CCDC7: variants seen among roughly 807,000 people sequenced by gnomAD.
CCDC7 encodes coiled-coil domain-containing protein 7.
A neutral mutation model predicts 196.9 loss-of-function variants in CCDC7; 183 were observed. The observed-to-expected ratio is 0.93, with a 90% CI of 0.82 to 1.05. The LOEUF is 1.05. Ranked by LOEUF, CCDC7 falls within the 50% of genes least tolerant of loss-of-function variation. The probability of loss-of-function intolerance (pLI) is 0.00; values close to 1 mark genes in which losing one functional copy is unlikely to be tolerated. For synonymous variants in CCDC7, 525 were observed against 484.6 expected, an observed-to-expected ratio of 1.08 and a Z score of -1.10; for missense variants, 1,540 against 1,482.2, an observed-to-expected ratio of 1.04 and a Z score of -0.64.
intron 13 of CCDC7, among the ~76,000 whole-genome samples, chr10:32,553,122 T>C: frequency 6.7e-6 from 1 of 149,356 alleles, no homozygotes; most frequent in East Asian, 1.9e-4. Flanking sequence ...TTTTTTTAAT[T>C]CTTTTTTTTT....
intron 10 of CCDC7, among the ~76,000 whole-genome samples, 162 bp from the exon 12 acceptor site, chr10:32,518,254 C>T (rs2947052): frequency 0.81 from 119,574 of 146,816 alleles, 48,352 homozygotes; most frequent in South Asian, 0.87. Flanking sequence ...ATCTTTTATG[C>T]CTTTCAGCTC....
At chr10:32,637,937 G>A (rs559998420) in intron 20 of CCDC7, among the ~76,000 whole-genome samples, 10 of 152,174 alleles carry the variant, frequency 6.6e-5, no homozygotes, top group African/African-American at 2.2e-4. Context: ...CCTTGAAGAG[G>A]TCCTTCACAT....
At chr10:32,641,706 C>A (rs1398462214) in intron 20 of CCDC7, among the ~76,000 whole-genome samples, 1 of 152,198 alleles carries the variant, frequency 6.6e-6, no homozygotes, top group African/African-American at 2.4e-5. Context: ...GAGCTGCGTT[C>A]CTTTGGAGGA....
intron 28 of CCDC7, among the ~76,000 whole-genome samples, chr10:32,765,184 C>G (rs1179014973): frequency 6.6e-6 from 1 of 151,954 alleles, no homozygotes; most frequent in African/African-American, 2.4e-5. Context: ...AAAATTTATA[C>G]CTTTAATTTT....
intron 20 of CCDC7, among the ~76,000 whole-genome samples, chr10:32,640,445 G>A (rs538169349): frequency 2.0e-3 from 312 of 152,232 alleles, no homozygotes; most frequent in Middle Eastern, 0.01. Flanking sequence ...ACACTGATGG[G>A]TCTTGACTCT....
At chr10:32,674,765 A>G (rs903088659) in intron 21 of CCDC7, among the ~76,000 whole-genome samples, 7 of 152,004 alleles carry the variant, frequency 4.6e-5, no homozygotes, top group Admixed American at 6.6e-5. Flanking sequence ...TATCATTGTT[A>G]TATACATATA....
chr10:32,780,250 C>T (rs2080832626), intron 29 of CCDC7, among the ~76,000 whole-genome samples: 1 of 151,946 alleles, frequency 6.6e-6, no homozygotes, highest in South Asian at 2.1e-4. Context: ...ACAAAAAAAC[C>T]CAGAATTCTC....
chr10:32,740,859 C>A (rs2085713779), intron 28 of CCDC7, among the ~76,000 whole-genome samples: 1 of 151,610 alleles, frequency 6.6e-6, no homozygotes, highest in Admixed American at 6.6e-5. Flanking sequence ...CCTTTTTTAT[C>A]ATTTCTTTTT....
At chr10:32,513,690 T>C (rs1164595686) in intron 9 of CCDC7, 3 of 152,176 alleles carry the variant, frequency 2.0e-5, no homozygotes, top group Non-Finnish European at 4.4e-5. Context: ...GCAAGGTTGA[T>C]TTAAAATGCA....
At chr10:32,613,276 A>G (rs1174288732) in intron 18 of CCDC7, among the ~76,000 whole-genome samples, 1 of 151,848 alleles carries the variant, frequency 6.6e-6, no homozygotes, top group African/African-American at 2.4e-5. Flanking sequence ...TATCCCCTTT[A>G]TCGATTTTAT....
rs2033579855 is a variant in CCDC7, at chr10:32,453,350, T to C, written c.286T>C (p.Ser96Pro). ...TTTTATTTTTTTTTTACAGGTTGTT[T>C]CCACTTTGGAAGAAACCTATGGACA... Residue 96 changes from serine (S) to proline (P), a missense_variant, in exon 2 of 42, where the codon TCC (serine) becomes CCC (proline). By Grantham distance (74) the Ser-to-Pro change is moderately conservative. Transcript: ENST00000639629. 2.0e-6 allele frequency: 3 copies of C among 1,497,120 alleles called. No individual in the cohort carries two copies. The highest frequency in any genetic ancestry group is 2.7e-6 in the Non-Finnish European group (3 of 1,125,052). The allele number at this position is 1,497,120 out of a possible 1,614,324, so 92.7% of individuals were successfully genotyped here.
At chr10:32,803,967 A>G (rs1164601586) in intron 29 of CCDC7, among the ~76,000 whole-genome samples, 2 of 152,122 alleles carry the variant, frequency 1.3e-5, no homozygotes, top group Non-Finnish European at 2.9e-5. Flanking sequence ...ATATAGTATG[A>G]TATACACTCC....
chr10:32,751,361 T>C (rs1257648767), intron 28 of CCDC7, among the ~76,000 whole-genome samples: 2 of 152,048 alleles, frequency 1.3e-5, no homozygotes, highest in East Asian at 3.9e-4. Flanking sequence ...TTTTTCTCTG[T>C]GTCGATTTAT....
rs571510380 is a variant in CCDC7 at position 32,500,865 on chromosome 10, C to T, written c.872+8868C>T. Reference sequence around the variant, plus strand: ...CTGGAGACCAGCCCGGCCAACACGGCGAAACCCCGTCTCCACCAAAAAATA... The same window carrying T: ...CTGGAGACCAGCCCGGCCAACACGGTGAAACCCCGTCTCCACCAAAAAATA... On this transcript the variant is annotated intron_variant, in intron 9 of 41. Coordinates refer to ENST00000639629, the Ensembl canonical transcript of CCDC7. 2.8e-3 allele frequency among the ~76,000 whole-genome samples: 419 copies of T among 152,298 alleles called. 3 individuals carry two copies. The highest frequency in any genetic ancestry group is 4.8e-3 in the Non-Finnish European group (326 of 68,018).
intron 18 of CCDC7, among the ~76,000 whole-genome samples, chr10:32,593,379 A>G (rs1215242582): frequency 1.3e-5 from 2 of 152,078 alleles, no homozygotes; most frequent in Admixed American, 6.5e-5. Context: ...TCCTTTGCTC[A>G]CTTTTTGATG....
chr10:32,701,130 T>C (rs2078644675), intron 24 of CCDC7, among the ~76,000 whole-genome samples: 2 of 152,232 alleles, frequency 1.3e-5, no homozygotes. Flanking sequence ...CCCTGTCTTG[T>C]GCCAGTTTTC....
At chr10:32,799,692 A>G (rs1014355818) in intron 29 of CCDC7, among the ~76,000 whole-genome samples, 1 of 152,170 alleles carries the variant, frequency 6.6e-6, no homozygotes, top group Admixed American at 6.5e-5. Context: ...AGGTCCCTGA[A>G]TTTTAGTTGG....
chr10:32,577,640 C>G lies in CCDC7; in HGVS notation c.1455-5394C>G, dbSNP rs985342305. On this transcript the variant is annotated intron_variant, in intron 16 of 41. Transcript: ENST00000639629. ...CTTTTCCATTAGTGAATCATGCTTT[C>G]TTGTCAGGTGGCAAATCTTTCAGGC... is the stretch of plus-strand genomic sequence containing the variant. Among the ~76,000 whole-genome samples, 8 of 152,132 alleles carry G rather than the reference C, an allele frequency of 5.3e-5. No homozygotes were observed. In the East Asian group the frequency reaches 1.4e-3, roughly 26 times the overall value.
chr10:32,675,740 C>T (rs551611085), intron 21 of CCDC7: 1 of 152,254 alleles, frequency 6.6e-6, no homozygotes, highest in South Asian at 2.1e-4. Flanking sequence ...AAAGAGGATA[C>T]AAAGAAATGG....
Sources: allele counts gnomAD v4.1 joint callset (sites outside exome capture counted in the v4.1 genomes callset), GRCh38; gene constraint gnomAD v4.1.1; transcripts MANE v1.5; gene names NCBI Gene and HGNC (gene_info 2026-07-23, HGNC 2026-07-21).